The following RERE variants were observed in gnomAD, a reference collection of about 807,000 sequenced individuals.
RERE encodes the protein arginine-glutamic acid dipeptide repeats.
In RERE, 40 loss-of-function variants were observed where a neutral mutation model predicts 146.1. The ratio of observed to expected loss-of-function variants is 0.27; its 90% CI spans 0.21 to 0.36. RERE has a LOEUF of 0.36. RERE is among the 10% of genes least tolerant of loss of function. The probability of loss-of-function intolerance (pLI) is 1.00; values close to 1 mark genes in which losing one functional copy is unlikely to be tolerated. For synonymous variants in RERE, 1,003 were observed against 866.0 expected (o/e 1.16, Z -2.78); for missense variants, 1,933 against 2,138.7 (o/e 0.90, Z 1.90).
Position 8,356,250 on chromosome 1 carries a change from A to G in RERE, c.4340-4T>C. ...GGGTGAACGGGGCCTGCTGAACCTA[A>G]GGAAAGGACAAAACGCCAGATGGAG... On this transcript the variant is annotated splice_polypyrimidine_tract_variant and splice_region_variant and intron_variant, in intron 20 of 22. Coordinates refer to ENST00000400908, the MANE Select transcript of RERE (RefSeq NM_001042681.2). This position sits in a 1 kb window ranked among gnomAD's most constrained non-coding sequence, Gnocchi z 5.2. 1 of 1,519,838 alleles carries G rather than the reference A, an allele frequency of 6.6e-7. No homozygotes were observed. Among genetic ancestry groups the G allele is most frequent in the Non-Finnish European group, 8.7e-7 (1 of 1,145,842 alleles). The allele number at this position is 1,519,838 out of a possible 1,614,324, so 94.1% of individuals were successfully genotyped here. A position where few individuals can be genotyped will look rare whatever the true frequency, so the allele number is the denominator to read the frequency against.
intron 7 of RERE, 21 bp downstream of exon 7, chr1:8,541,193 G>T: frequency 7.8e-7 from 1 of 1,284,200 alleles, no homozygotes; most frequent in Non-Finnish European, 1.1e-6. Flanking sequence ...CTCAATGAAT[G>T]GACACAAGTG....
intron 1 of RERE, among the ~76,000 whole-genome samples, chr1:8,695,239 C>T (rs1189012591): frequency 1.3e-5 from 2 of 152,108 alleles, no homozygotes; most frequent in Non-Finnish European, 2.9e-5. Flanking sequence ...GGACCGCTAC[C>T]TTTTCCCATA....
Position 8,665,132 on chromosome 1 carries a change from C to G in RERE, c.-144-8691G>C, listed in dbSNP as rs565188700. On this transcript the variant is annotated intron_variant, in intron 1 of 22. Transcript: ENST00000400908. ...AGTCCTTTGCTAAGGTTCTTCCTAC[C>G]CTTTGTAATGCTCTTCGTCTGGCCT... 7.9e-4 allele frequency among the ~76,000 whole-genome samples: 120 copies of G among 152,272 alleles called. 2 individuals carry two copies. The highest frequency in any genetic ancestry group is 3.4e-3 in the Middle Eastern group (1 of 294).
chr1:8,712,069 A>G (rs757997025), intron 1 of RERE, among the ~76,000 whole-genome samples: 6 of 152,224 alleles, frequency 3.9e-5, no homozygotes, highest in African/African-American at 1.2e-4. Flanking sequence ...CTAAAAGCCA[A>G]TAACTGCTCT....
intron 1 of RERE, among the ~76,000 whole-genome samples, chr1:8,728,681 A>G (rs1310462334): frequency 6.6e-6 from 1 of 152,198 alleles, no homozygotes; most frequent in Non-Finnish European, 1.5e-5. Flanking sequence ...AAAAGAAACT[A>G]AAACTAAGAT....
chr1:8,496,784 T>C (rs887798004), intron 9 of RERE, among the ~76,000 whole-genome samples: 2 of 152,192 alleles, frequency 1.3e-5, no homozygotes, highest in African/African-American at 2.4e-5. Context: ...AATATTCTCA[T>C]GTAGGCAAGC....
chr1:8,364,465 G>A lies in RERE; in HGVS notation c.1541-210C>T, dbSNP rs1184684012. Among the ~76,000 whole-genome samples, 1 of 152,084 alleles carries A rather than the reference G, an allele frequency of 6.6e-6. No homozygotes were observed. The highest frequency in any genetic ancestry group is 1.9e-4 in the East Asian group (1 of 5,174). ...GGCATCTGCTGCCCACTTCAACTTG[G>A]GGTGCCCAGGAAAAGCTGGCAGCAA... On this transcript the variant is annotated intron_variant, in intron 14 of 22. Transcript: ENST00000400908. This position sits in a 1 kb window ranked among gnomAD's most constrained non-coding sequence, Gnocchi z 5.1.
At chr1:8,730,513 TTG>T (rs893033392) in intron 1 of RERE, among the ~76,000 whole-genome samples, 1 of 152,166 alleles carries the variant, frequency 6.6e-6, no homozygotes, top group Non-Finnish European at 1.5e-5. Context: ...CAGCTAATTT[TTG>T]TATTTTTAGT....
chr1:8,752,988 A>T (rs974302621), intron 1 of RERE, among the ~76,000 whole-genome samples: 1 of 152,202 alleles, frequency 6.6e-6, no homozygotes, highest in Non-Finnish European at 1.5e-5. Context: ...TTATTTTAAT[A>T]GGCCTAAATG....
intron 2 of RERE, among the ~76,000 whole-genome samples, chr1:8,651,288 T>A (rs934757902): frequency 5.9e-5 from 9 of 151,988 alleles, no homozygotes; most frequent in African/African-American, 2.2e-4. Flanking sequence ...AGCACACCTG[T>A]AGTCCTAGCT....
chr1:8,767,635 C>T (rs1037969415), intron 1 of RERE, among the ~76,000 whole-genome samples: 1 of 149,864 alleles, frequency 6.7e-6, no homozygotes, highest in Non-Finnish European at 1.5e-5. Context: ...AAAAAAAATG[C>T]TGCTTATCAA....
At chr1:8,528,872 G>A (rs1308926334) in intron 7 of RERE, among the ~76,000 whole-genome samples, 2 of 152,100 alleles carry the variant, frequency 1.3e-5, no homozygotes, top group Non-Finnish European at 2.9e-5. Context: ...CTCATAAAGT[G>A]TATATTTCTA....
chr1:8,553,717 A>C (rs1176887771), intron 6 of RERE, among the ~76,000 whole-genome samples: 1 of 152,254 alleles, frequency 6.6e-6, no homozygotes, highest in Non-Finnish European at 1.5e-5. Flanking sequence ...AGTGAAAAGA[A>C]GATAAAGTAT....
intron 11 of RERE, among the ~76,000 whole-genome samples, chr1:8,432,506 C>T (rs1413023615): frequency 6.6e-6 from 1 of 152,182 alleles, no homozygotes; most frequent in South Asian, 2.1e-4. Flanking sequence ...TCAACTCTAT[C>T]CCTACACAGA....
intron 7 of RERE, among the ~76,000 whole-genome samples, chr1:8,524,434 T>C (rs544428363): frequency 2.0e-4 from 30 of 152,156 alleles, no homozygotes; most frequent in Admixed American, 1.9e-3. Flanking sequence ...CTGGAAAGAG[T>C]TGACCATGCA....
At chr1:8,409,194 C>A (rs76839646) in intron 12 of RERE, among the ~76,000 whole-genome samples, 1 of 152,172 alleles carries the variant, frequency 6.6e-6, no homozygotes, top group African/African-American at 2.4e-5. Context: ...GGGAGTACAA[C>A]GTTTGAGAAG....
intron 5 of RERE, 135 bp downstream of exon 5, chr1:8,557,283 A>G (rs1312573833): frequency 1.8e-5 from 11 of 615,740 alleles, no homozygotes; most frequent in Admixed American, 1.3e-4. Flanking sequence ...GCCAATGTGA[A>G]TCATCAAGCA....
intron 4 of RERE, among the ~76,000 whole-genome samples, chr1:8,560,262 ACATCC>A (rs937533508): frequency 2.6e-5 from 4 of 152,140 alleles, no homozygotes; most frequent in African/African-American, 9.7e-5. Context: ...GATGCTTATG[ACATCC>A]CCGGCTTCTA....
At chr1:8,421,597 C>T (rs1484462927) in intron 12 of RERE, among the ~76,000 whole-genome samples, 2 of 152,018 alleles carry the variant, frequency 1.3e-5, no homozygotes, top group Non-Finnish European at 2.9e-5. Flanking sequence ...ATCACAAAAC[C>T]CTTCTTCCCC....
Sources: allele counts gnomAD v4.1 joint callset (sites outside exome capture counted in the v4.1 genomes callset), GRCh38; gene constraint gnomAD v4.1.1; non-coding constraint Gnocchi (gnomAD v3.1); transcripts MANE v1.5; gene names NCBI Gene and HGNC (gene_info 2026-07-23, HGNC 2026-07-21).